Variants in SRSF4 observed in about 807,000 individuals in gnomAD.
SRSF4 encodes serine and arginine rich splicing factor 4.
SRSF4 carries 12 observed loss-of-function variants against 48.8 expected under a neutral mutation model. The ratio of observed to expected loss-of-function variants is 0.25; its 90% CI spans 0.16 to 0.40. The LOEUF (loss-of-function observed/expected upper bound fraction) is 0.40, where lower values mean the gene tolerates loss of function less well. Among genes scored for constraint, SRSF4 ranks in the 10% least tolerant of loss-of-function variants. The pLI is 1.00. For missense variants in SRSF4, 466 were observed against 667.1 expected (o/e 0.70, Z 3.32); for synonymous variants, 248 against 232.5 (o/e 1.07, Z -0.61).
intron 3 of SRSF4, among the ~76,000 whole-genome samples, chr1:29,159,109 C>CAAACG (rs1672554874): frequency 6.9e-5 from 1 of 14,512 alleles, no homozygotes; most frequent in East Asian, 1.1e-3. Context: ...CCATCTCAAA[C>CAAACG]AAACCAAACC....
intron 1 of SRSF4, among the ~76,000 whole-genome samples, chr1:29,162,904 C>T (rs941404119): frequency 3.9e-5 from 6 of 152,290 alleles, no homozygotes; most frequent in East Asian, 1.9e-4. Flanking sequence ...GCCCAGTGGC[C>T]GCTGATGGCA....
rs143010787 is a variant in SRSF4 at position 29,158,200 on chromosome 1, G to C, written c.363+1174C>G. Among the ~76,000 whole-genome samples the C allele has an allele frequency of 4.3e-4, 65 of 151,616 alleles. 1 individual carries two copies. The East Asian group carries it at 6.0e-3, about 14-fold the overall frequency. Reference sequence around the variant, plus strand: ...AAAAAAAAGCTGGAACCAGTACACTGGATGGCCAACATTAGCACTGAATCT... The same window carrying C: ...AAAAAAAAGCTGGAACCAGTACACTCGATGGCCAACATTAGCACTGAATCT... On this transcript the variant is annotated intron_variant, in intron 3 of 5. Coordinates refer to ENST00000373795, the MANE Select transcript of SRSF4 (RefSeq NM_005626.5).
chr1:29,148,365 T>C lies in SRSF4; in HGVS notation c.*45A>G, dbSNP rs778563260. On this transcript the variant is annotated 3_prime_UTR_variant, in exon 6 of 6. Coordinates refer to ENST00000373795, the MANE Select transcript of SRSF4 (RefSeq NM_005626.5). ...TCACTTGTGCTACGGCTACCAAACATGTACAAAAGACTTCTCGGGTAGTTC... is the reference window on the plus strand; with the variant it reads ...TCACTTGTGCTACGGCTACCAAACACGTACAAAAGACTTCTCGGGTAGTTC... 7 of 1,553,472 alleles carry C rather than the reference T, an allele frequency of 4.5e-6. No homozygotes were observed. The highest frequency in any genetic ancestry group is 2.7e-5 in the African/African-American group (2 of 73,060).
Position 29,159,470 on chromosome 1 carries a change from T to C in SRSF4, c.267A>G (p.Arg89=), listed in dbSNP as rs1206812604. 1 of 1,613,326 alleles carries C rather than the reference T, an allele frequency of 6.2e-7. No homozygotes were observed. The highest frequency in any genetic ancestry group is 8.5e-7 in the Non-Finnish European group (1 of 1,179,520). The change falls in exon 3 of 6, where the codon AGA becomes AGG. Residue 89 remains arginine, a synonymous_variant. Coordinates refer to ENST00000373795, the MANE Select transcript of SRSF4 (RefSeq NM_005626.5). Reference sequence around the variant, plus strand: ...GGCCATATTTATCTCGGCCACTTCTTCTATAACCATATCCACCTTTGGAAG... The same window carrying C: ...GGCCATATTTATCTCGGCCACTTCTCCTATAACCATATCCACCTTTGGAAG... ...YGSGRSGYGY[R]RSGRDKYGPP... is the part of the protein sequence containing the mutation.
intron 1 of SRSF4, among the ~76,000 whole-genome samples, chr1:29,167,927 A>C (rs938935545): frequency 6.6e-6 from 1 of 152,034 alleles, no homozygotes; most frequent in Non-Finnish European, 1.5e-5. Flanking sequence ...GCTCATTTTC[A>C]AGGAGCTCAT....
At chr1:29,154,973 ATC>A in intron 3 of SRSF4, 63 bp from the exon 4 acceptor site, 1 of 1,445,302 alleles carries the variant, frequency 6.9e-7, no homozygotes, top group South Asian at 1.3e-5. Flanking sequence ...TAATGCAATC[ATC>A]TGAGTGAATT....
At position 29,151,847 on chromosome 1, in the gene SRSF4, T is replaced by C. The variant is rs568815058; in HGVS notation, c.579-1655A>G. 2.0e-5 allele frequency among the ~76,000 whole-genome samples: 3 copies of C among 152,370 alleles called. No individual in the cohort carries two copies. In the East Asian group the frequency reaches 5.8e-4, roughly 29 times the overall value. ...ATGCTACAACAAAATAAATGTACAG[T>C]GTGCTTGTATAAATACATACATACA... On this transcript the variant is annotated intron_variant, in intron 4 of 5. Coordinates refer to ENST00000373795, the MANE Select transcript of SRSF4 (RefSeq NM_005626.5).
At chr1:29,165,322 A>G (rs1446367474) in intron 1 of SRSF4, among the ~76,000 whole-genome samples, 2 of 152,228 alleles carry the variant, frequency 1.3e-5, no homozygotes, top group African/African-American at 4.8e-5. Context: ...TCGTCATTCA[A>G]TAGCTGATGT....
intron 1 of SRSF4, chr1:29,170,411 G>A (rs1488964473): frequency 6.6e-6 from 1 of 152,168 alleles, no homozygotes; most frequent in Non-Finnish European, 1.5e-5. Context: ...AACAAAACCA[G>A]TTCATACTTA....
chr1:29,180,908 G>C (rs1490574406), intron 1 of SRSF4, among the ~76,000 whole-genome samples: 1 of 152,236 alleles, frequency 6.6e-6, no homozygotes, highest in Non-Finnish European at 1.5e-5. Flanking sequence ...ATACTAGCCA[G>C]GGTGGCCACT....
intron 1 of SRSF4, among the ~76,000 whole-genome samples, chr1:29,177,893 A>ATTTTTTTTTTTTTT (rs397979781): frequency 1.1e-5 from 1 of 93,636 alleles, no homozygotes; most frequent in African/African-American, 4.4e-5. Flanking sequence ...ATTACACAAG[A>ATTTTTTTTTTTTTT]TTTTTTTTTT....
At chr1:29,172,871 A>G (rs550606437) in intron 1 of SRSF4, 55 of 152,304 alleles carry the variant, frequency 3.6e-4, no homozygotes, top group African/African-American at 1.3e-3. Flanking sequence ...ACCAAAAAAA[A>G]GGTAGACAAT....
chr1:29,170,204 G>A (rs1320642359), intron 1 of SRSF4: 1 of 152,170 alleles, frequency 6.6e-6, no homozygotes, highest in East Asian at 1.9e-4. Flanking sequence ...ACTATTGCCT[G>A]ATGACAAGAA....
At chr1:29,176,518 A>G (rs1316436249) in intron 1 of SRSF4, among the ~76,000 whole-genome samples, 1 of 152,074 alleles carries the variant, frequency 6.6e-6, no homozygotes, top group Non-Finnish European at 1.5e-5. Flanking sequence ...AAAATACTGT[A>G]ACAGCTCATC....
chr1:29,160,630 A>C, intron 1 of SRSF4, 113 bp from the exon 2 acceptor site: 2 of 1,259,222 alleles, frequency 1.6e-6, no homozygotes, highest in Non-Finnish European at 2.2e-6. Flanking sequence ...GGATTTTGCA[A>C]ACTAAGGATC....
intron 2 of SRSF4, 27 bp downstream of exon 2, chr1:29,160,348 A>T (rs755370125): frequency 6.3e-7 from 1 of 1,592,494 alleles, no homozygotes; most frequent in South Asian, 1.1e-5. Context: ...CACGTTACTG[A>T]TAAAAGTATG....
intron 1 of SRSF4, chr1:29,170,025 A>G (rs941398353): frequency 4.6e-5 from 7 of 152,382 alleles, no homozygotes; most frequent in Non-Finnish European, 8.8e-5. Flanking sequence ...GGATCAAACT[A>G]TCATTACCCC....
rs538305531 is a variant in SRSF4 at position 29,153,891 on chromosome 1, G to A, written c.578+805C>T. The stretch of plus-strand genomic sequence containing the variant: ...GCTGGGATTACAGGCGTGAGCCACT[G>A]TGCCCGGCCTCTGATTTCCCTTTTT... On this transcript the variant is annotated intron_variant, in intron 4 of 5. Transcript: ENST00000373795. Among the ~76,000 whole-genome samples, 20 of 151,734 alleles carry A rather than the reference G, an allele frequency of 1.3e-4. No homozygotes were observed. The East Asian group carries it at 3.5e-3, about 27-fold the overall frequency.
chr1:29,179,684 C>G (rs971835236), intron 1 of SRSF4, among the ~76,000 whole-genome samples: 5 of 152,220 alleles, frequency 3.3e-5, no homozygotes, highest in Non-Finnish European at 7.3e-5. Flanking sequence ...TTCTTCACTT[C>G]AAGCTCTAAT....
Sources: allele counts gnomAD v4.1 joint callset (sites outside exome capture counted in the v4.1 genomes callset), GRCh38; gene constraint gnomAD v4.1.1; transcripts MANE v1.5; gene names NCBI Gene and HGNC (gene_info 2026-07-23, HGNC 2026-07-21).